The following DCDC2 variants were observed in gnomAD, a reference collection of about 807,000 sequenced individuals.
The protein encoded by DCDC2 is doublecortin domain-containing protein 2.
In DCDC2, 40 loss-of-function variants were observed where a neutral mutation model predicts 50.2. The observed-to-expected ratio is 0.80, with a 90% CI of 0.62 to 1.04. The LOEUF (loss-of-function observed/expected upper bound fraction) is 1.04. Among genes scored for constraint, DCDC2 ranks in the 50% least tolerant of loss-of-function variants. The probability of loss-of-function intolerance (pLI) is 0.00; values close to 1 mark genes in which losing one functional copy is unlikely to be tolerated. For synonymous variants in DCDC2, 234 were observed against 210.6 expected, an observed-to-expected ratio of 1.11 and a Z score of -0.96; for missense variants, 570 against 581.9, an observed-to-expected ratio of 0.98 and a Z score of 0.21.
chr6:24,220,891 T>TGAGCGAGCGAGAGAGA (rs1762094902), intron 7 of DCDC2, among the ~76,000 whole-genome samples: 1 of 98,970 alleles, frequency 1.0e-5, no homozygotes, highest in African/African-American at 3.9e-5. Context: ...AGCGAGAGAG[T>TGAGCGAGCGAGAGAGA]GAGCGAGCGA....
chr6:24,228,093 C>T (rs1265686511), intron 7 of DCDC2, among the ~76,000 whole-genome samples: 4 of 152,204 alleles, frequency 2.6e-5, no homozygotes, highest in Non-Finnish European at 5.9e-5. Context: ...CTACCAAACA[C>T]ACATAGCAGC....
chr6:24,194,074 A>G (rs1300856967), intron 8 of DCDC2, among the ~76,000 whole-genome samples: 1 of 152,156 alleles, frequency 6.6e-6, no homozygotes, highest in Non-Finnish European at 1.5e-5. Context: ...AGCACCTCAG[A>G]TGTATTAAAA....
At chr6:24,301,187 T>C (rs541944874) in intron 4 of DCDC2, among the ~76,000 whole-genome samples, 17 of 151,702 alleles carry the variant, frequency 1.1e-4, no homozygotes, top group East Asian at 7.8e-4. Context: ...CTGGCTAACA[T>C]GGAGAAACCC....
At chr6:24,356,189 A>T (rs1424658866) in intron 1 of DCDC2, among the ~76,000 whole-genome samples, 1 of 152,240 alleles carries the variant, frequency 6.6e-6, no homozygotes, top group Non-Finnish European at 1.5e-5. Flanking sequence ...CATGGATATA[A>T]AAGGTAATAT....
intron 7 of DCDC2, among the ~76,000 whole-genome samples, chr6:24,230,806 A>G (rs895484873): frequency 3.9e-5 from 6 of 152,220 alleles, no homozygotes; most frequent in African/African-American, 7.2e-5. Flanking sequence ...TTTTTCACTA[A>G]AAGAACTAGT....
intron 1 of DCDC2, among the ~76,000 whole-genome samples, chr6:24,354,056 T>C (rs1369254277): frequency 1.3e-5 from 2 of 152,304 alleles, no homozygotes; most frequent in East Asian, 3.9e-4. Flanking sequence ...TGAGAAATTA[T>C]TGTCTCTATG....
intron 7 of DCDC2, among the ~76,000 whole-genome samples, chr6:24,261,190 A>G (rs1456816824): frequency 7.0e-6 from 1 of 143,456 alleles, no homozygotes; most frequent in Non-Finnish European, 1.5e-5. Flanking sequence ...GTACATTTTA[A>G]ATCCATTTTC....
At chr6:24,351,815 C>T (rs959000839) in intron 2 of DCDC2, among the ~76,000 whole-genome samples, 9 of 152,124 alleles carry the variant, frequency 5.9e-5, no homozygotes, top group Admixed American at 3.9e-4. Flanking sequence ...ATTAAAAATA[C>T]TATTTTAAGG....
intron 7 of DCDC2, among the ~76,000 whole-genome samples, chr6:24,216,634 G>A (rs1047858281): frequency 1.3e-5 from 2 of 152,242 alleles, no homozygotes; most frequent in African/African-American, 4.8e-5. Flanking sequence ...AGGGATGAAA[G>A]GGGATTAAAT....
chr6:24,277,945 C>T lies in DCDC2; in HGVS notation c.922+104G>A, dbSNP rs539071851. 5.2e-6 allele frequency: 5 copies of T among 958,022 alleles called. No individual in the cohort carries two copies. In the South Asian group the frequency reaches 1.0e-4, roughly 19 times the overall value. The allele number at this position is 958,022 out of a possible 1,614,324, so 59.3% of individuals were successfully genotyped here. A position where few individuals can be genotyped will look rare whatever the true frequency, so the allele number is the denominator to read the frequency against. On this transcript the variant is annotated intron_variant, in intron 7 of 9. Coordinates refer to ENST00000378454, the MANE Select transcript of DCDC2 (RefSeq NM_016356.5). ...AAATACAATTTTCTTTGAAAACTCT[C>T]ATATATGAAAATAAGGAATATCTTC...
At chr6:24,274,157 T>G (rs982586601) in intron 7 of DCDC2, among the ~76,000 whole-genome samples, 2 of 152,216 alleles carry the variant, frequency 1.3e-5, no homozygotes, top group African/African-American at 4.8e-5. Flanking sequence ...GACCAGGCCA[T>G]TTTCTCTGCA....
intron 4 of DCDC2, among the ~76,000 whole-genome samples, chr6:24,299,103 G>T (rs2113836159): frequency 6.6e-6 from 1 of 152,278 alleles, no homozygotes; most frequent in African/African-American, 2.4e-5. Context: ...TCCATCAATG[G>T]TGGGCTGGAT....
intron 7 of DCDC2, among the ~76,000 whole-genome samples, chr6:24,261,389 T>C (rs1763005969): frequency 6.6e-6 from 1 of 152,106 alleles, no homozygotes; most frequent in Non-Finnish European, 1.5e-5. Context: ...GAGGTCTTTC[T>C]ACCTCAAGTT....
chr6:24,285,442 T>G (rs1763581215), intron 6 of DCDC2, among the ~76,000 whole-genome samples: 1 of 152,198 alleles, frequency 6.6e-6, no homozygotes, highest in Non-Finnish European at 1.5e-5. Flanking sequence ...TTATACTTCA[T>G]AAGTATCCAT....
intron 7 of DCDC2, among the ~76,000 whole-genome samples, chr6:24,270,805 A>T (rs1321090416): frequency 6.6e-6 from 1 of 152,174 alleles, no homozygotes; most frequent in Non-Finnish European, 1.5e-5. Flanking sequence ...CCAGGATGAA[A>T]TGCTCAGAGT....
chr6:24,330,233 G>T (rs1177558613), intron 2 of DCDC2, among the ~76,000 whole-genome samples: 1 of 152,168 alleles, frequency 6.6e-6, no homozygotes, highest in African/African-American at 2.4e-5. Flanking sequence ...GCACTCAGAA[G>T]AATAACTGTT....
At chr6:24,339,534 C>T (rs1760117438) in intron 2 of DCDC2, among the ~76,000 whole-genome samples, 1 of 152,082 alleles carries the variant, frequency 6.6e-6, no homozygotes, top group South Asian at 2.1e-4. Context: ...AGTGTCATTC[C>T]CTTGGGGTCC....
the DCDC2 span, among the ~76,000 whole-genome samples, chr6:24,369,761 C>T: frequency 2.0e-5 from 3 of 152,132 alleles, no homozygotes; most frequent in African/African-American, 4.8e-5. Flanking sequence ...CTAATTAAGG[C>T]TAGGAGCAGT....
chr6:24,382,001 A>AGGCAGGCAGGC, the DCDC2 span, among the ~76,000 whole-genome samples: 12 of 113,142 alleles, frequency 1.1e-4, no homozygotes, highest in South Asian at 2.4e-3. Context: ...GGAAGGAAGG[A>AGGCAGGCAGGC]AGGAAGGAAG....
Sources: gnomAD v4.1 joint callset for allele counts (sites outside exome capture counted in the v4.1 genomes callset) on GRCh38, gnomAD v4.1.1 for gene constraint, MANE v1.5 for transcripts, NCBI Gene and HGNC (gene_info 2026-07-23, HGNC 2026-07-21) for gene names.